PPFIA2: variants seen among roughly 807,000 people sequenced by gnomAD.
PPFIA2 encodes the protein liprin-alpha-2.
Under a neutral mutation model 175.5 loss-of-function variants are expected in PPFIA2, and 46 were observed. That is an observed-to-expected ratio of 0.26 (90% CI 0.21 to 0.34). PPFIA2 has a LOEUF of 0.34. Ranked by LOEUF, PPFIA2 falls within the 10% of genes least tolerant of loss-of-function variation. The probability of loss-of-function intolerance (pLI) is 1.00; values close to 1 mark genes in which losing one functional copy is unlikely to be tolerated. For synonymous variants in PPFIA2, 568 were observed against 511.4 expected (o/e 1.11, Z -1.49); for missense variants, 1,179 against 1,506.1 (o/e 0.78, Z 3.60).
chr12:81,508,535 A>T (rs1182051536), intron 4 of PPFIA2, among the ~76,000 whole-genome samples: 8 of 150,942 alleles, frequency 5.3e-5, no homozygotes, highest in African/African-American at 1.9e-4. Context: ...AAAAAAAAAA[A>T]AAAAAAAAAA....
chr12:81,425,963 A>G (rs1340629606), intron 7 of PPFIA2, among the ~76,000 whole-genome samples: 2 of 152,200 alleles, frequency 1.3e-5, no homozygotes, highest in Non-Finnish European at 2.9e-5. Context: ...TACCCAAAGG[A>G]GGTCAGGCTT....
At chr12:81,418,824 C>A (rs2045775169) in intron 7 of PPFIA2, among the ~76,000 whole-genome samples, 2 of 151,816 alleles carry the variant, frequency 1.3e-5, no homozygotes, top group Non-Finnish European at 2.9e-5. Context: ...AAAAATTACC[C>A]CTGAAAATGA....
intron 30 of PPFIA2, among the ~76,000 whole-genome samples, chr12:81,263,919 A>G (rs2036433119): frequency 6.6e-6 from 1 of 152,196 alleles, no homozygotes. Context: ...GAAACTCTAA[A>G]TATGTGATTT....
intron 30 of PPFIA2, among the ~76,000 whole-genome samples, chr12:81,264,697 A>C (rs1314757153): frequency 6.6e-6 from 1 of 152,196 alleles, no homozygotes; most frequent in Non-Finnish European, 1.5e-5. Flanking sequence ...ATAATAACAT[A>C]TATCCACTGT....
chr12:81,464,277 G>T (rs2055176451), intron 4 of PPFIA2, among the ~76,000 whole-genome samples: 1 of 152,064 alleles, frequency 6.6e-6, no homozygotes, highest in Admixed American at 6.6e-5. Flanking sequence ...ACATTGTTAT[G>T]AACTTTACCT....
chr12:81,457,629 T>G (rs911420337), intron 5 of PPFIA2, 136 bp downstream of exon 5: 11 of 515,280 alleles, frequency 2.1e-5, no homozygotes, highest in Non-Finnish European at 3.0e-5. Flanking sequence ...TCCTTTACTT[T>G]AAGTAACTGA....
chr12:81,707,401 G>A (rs1237652736), intron 3 of PPFIA2, among the ~76,000 whole-genome samples: 2 of 152,154 alleles, frequency 1.3e-5, no homozygotes, highest in Non-Finnish European at 2.9e-5. Context: ...CATTTATGCA[G>A]CCAAAAAACA....
chr12:81,648,333 C>T (rs1375831147), intron 4 of PPFIA2, among the ~76,000 whole-genome samples: 1 of 151,862 alleles, frequency 6.6e-6, no homozygotes, highest in Non-Finnish European at 1.5e-5. Flanking sequence ...TAAAATTTCA[C>T]AGCTGACATT....
intron 4 of PPFIA2, among the ~76,000 whole-genome samples, chr12:81,663,721 A>T (rs1485537202): frequency 2.0e-5 from 3 of 152,102 alleles, no homozygotes; most frequent in Non-Finnish European, 1.5e-5. Context: ...AAAAGAGCCC[A>T]CATTGCCAAG....
At chr12:81,566,989 G>T (rs184647538) in intron 4 of PPFIA2, among the ~76,000 whole-genome samples, 13 of 152,202 alleles carry the variant, frequency 8.5e-5, no homozygotes, top group Admixed American at 8.5e-4. Flanking sequence ...TAGTAATGCA[G>T]TTTATAAAAT....
chr12:81,609,035 T>C (rs188488378), intron 4 of PPFIA2, among the ~76,000 whole-genome samples: 1 of 152,156 alleles, frequency 6.6e-6, no homozygotes, highest in East Asian at 1.9e-4. Context: ...ATTTTAATGT[T>C]CACCCAGGGA....
At chr12:81,469,073 C>T (rs2056270247) in intron 4 of PPFIA2, among the ~76,000 whole-genome samples, 1 of 152,150 alleles carries the variant, frequency 6.6e-6, no homozygotes, top group Non-Finnish European at 1.5e-5. Context: ...ACTAACATGA[C>T]ACGGTGTCAT....
chr12:81,522,393 T>C (rs1028498064), intron 4 of PPFIA2, among the ~76,000 whole-genome samples: 1 of 152,080 alleles, frequency 6.6e-6, no homozygotes, highest in Non-Finnish European at 1.5e-5. Flanking sequence ...AAATATGATA[T>C]ATTAAAAGAA....
chr12:81,667,086 C>T (rs2070470209), intron 4 of PPFIA2, among the ~76,000 whole-genome samples: 1 of 152,056 alleles, frequency 6.6e-6, no homozygotes, highest in South Asian at 2.1e-4. Context: ...TACCCTTTAT[C>T]ATCTTTGGGG....
At chr12:81,440,713 G>T (rs1411922730) in intron 6 of PPFIA2, among the ~76,000 whole-genome samples, 1 of 151,328 alleles carries the variant, frequency 6.6e-6, no homozygotes, top group Non-Finnish European at 1.5e-5. Flanking sequence ...ATTTATGCTT[G>T]TTTCTTACAT....
chr12:81,695,463 C>T (rs1792516727), intron 3 of PPFIA2, among the ~76,000 whole-genome samples: 1 of 152,100 alleles, frequency 6.6e-6, no homozygotes, highest in African/African-American at 2.4e-5. Context: ...CCTGTTCCCC[C>T]TTCACCTTCT....
intron 14 of PPFIA2, among the ~76,000 whole-genome samples, chr12:81,363,270 T>A (rs1033759424): frequency 6.6e-6 from 1 of 151,162 alleles, no homozygotes; most frequent in Non-Finnish European, 1.5e-5. Context: ...GAGGATTTTT[T>A]TAAAAAATAT....
At chr12:81,450,448 G>A (rs2052323503) in intron 5 of PPFIA2, among the ~76,000 whole-genome samples, 1 of 152,186 alleles carries the variant, frequency 6.6e-6, no homozygotes, top group Admixed American at 6.5e-5. Context: ...TTTGAGAAGT[G>A]TCTGTTCGTA....
At chr12:81,517,498 A>G (rs1303893010) in intron 4 of PPFIA2, among the ~76,000 whole-genome samples, 7 of 152,188 alleles carry the variant, frequency 4.6e-5, no homozygotes, top group Non-Finnish European at 8.8e-5. Flanking sequence ...GACCTCGGCT[A>G]ATGCTGCCAA....
Sources: gnomAD v4.1 joint callset for allele counts (sites outside exome capture counted in the v4.1 genomes callset) on GRCh38, gnomAD v4.1.1 for gene constraint, MANE v1.5 for transcripts, NCBI Gene and HGNC (gene_info 2026-07-23, HGNC 2026-07-21) for gene names.